Variants in SLC35F3 observed in about 807,000 individuals in gnomAD.
The protein encoded by SLC35F3 is solute carrier family 35 member F3.
In SLC35F3, 25 loss-of-function variants were observed where a neutral mutation model predicts 49.9. That is an observed-to-expected ratio of 0.50 (90% CI 0.37 to 0.70). The LOEUF is 0.70. SLC35F3 is among the 30% of genes least tolerant of loss of function. The pLI, the probability that SLC35F3 is intolerant of heterozygous loss-of-function variation, is 0.00. For synonymous variants in SLC35F3, 275 were observed against 265.4 expected, an observed-to-expected ratio of 1.04 and a Z score of -0.35; for missense variants, 525 against 639.8, an observed-to-expected ratio of 0.82 and a Z score of 1.94.
chr1:234,194,922 C>T (rs781599198), intron 2 of SLC35F3, among the ~76,000 whole-genome samples: 5 of 152,164 alleles, frequency 3.3e-5, no homozygotes, highest in South Asian at 2.1e-4. Flanking sequence ...AGACAGATGA[C>T]GGGTTTCTAC....
At chr1:233,989,732 A>T (rs1158558489) in intron 2 of SLC35F3, among the ~76,000 whole-genome samples, 2 of 152,224 alleles carry the variant, frequency 1.3e-5, no homozygotes, top group African/African-American at 4.8e-5. Context: ...GTTTAAAGAT[A>T]TTCCTGAAAT....
chr1:234,322,521 T>C (rs1190999385), intron 7 of SLC35F3, among the ~76,000 whole-genome samples: 3 of 152,126 alleles, frequency 2.0e-5, no homozygotes, highest in Non-Finnish European at 4.4e-5. Flanking sequence ...CATCTTCACA[T>C]TGAGTAGGCT....
chr1:234,105,593 A>G (rs531422597), intron 2 of SLC35F3, among the ~76,000 whole-genome samples: 1 of 152,288 alleles, frequency 6.6e-6, no homozygotes, highest in East Asian at 1.9e-4. Context: ...CTCTTGCAAG[A>G]TCCTACTAGG....
At chr1:234,259,172 A>G (rs1667864609) in intron 3 of SLC35F3, among the ~76,000 whole-genome samples, 1 of 152,232 alleles carries the variant, frequency 6.6e-6, no homozygotes, top group Non-Finnish European at 1.5e-5. Flanking sequence ...GTTGGACAAG[A>G]TGACCTCTAA....
chr1:234,082,832 G>A (rs939963647), intron 2 of SLC35F3, among the ~76,000 whole-genome samples: 10 of 152,022 alleles, frequency 6.6e-5, no homozygotes, highest in African/African-American at 1.4e-4. Context: ...GGGGGAAACC[G>A]CCCCCATGAT....
chr1:234,044,860 T>C (rs1241775754), intron 2 of SLC35F3, among the ~76,000 whole-genome samples: 3 of 152,188 alleles, frequency 2.0e-5, no homozygotes, highest in African/African-American at 7.2e-5. Flanking sequence ...TTTTTCTAAA[T>C]GAAGCATTTA....
intron 2 of SLC35F3, among the ~76,000 whole-genome samples, chr1:233,914,607 C>T (rs6699670): frequency 0.27 from 41,522 of 152,060 alleles, 6,829 homozygotes; most frequent in Admixed American, 0.47. Flanking sequence ...GAAGTTTCAA[C>T]TGGAAATACA....
chr1:234,093,412 G>C (rs893399342), intron 2 of SLC35F3, among the ~76,000 whole-genome samples: 3 of 152,158 alleles, frequency 2.0e-5, no homozygotes, highest in Non-Finnish European at 4.4e-5. Flanking sequence ...AGTCCTCACC[G>C]TATCTCCCAG....
intron 3 of SLC35F3, among the ~76,000 whole-genome samples, chr1:234,253,290 C>G (rs1667766165): frequency 6.6e-6 from 1 of 151,808 alleles, no homozygotes. Flanking sequence ...GGCGCCACCG[C>G]ACTCCAGCCT....
At chr1:233,909,088 A>T (rs1438430290) in intron 2 of SLC35F3, among the ~76,000 whole-genome samples, 2 of 151,994 alleles carry the variant, frequency 1.3e-5, no homozygotes, top group African/African-American at 4.8e-5. Context: ...CGAACTCCTG[A>T]TCTTGTGATC....
chr1:234,138,088 A>G (rs1665837654), intron 2 of SLC35F3, among the ~76,000 whole-genome samples: 1 of 152,248 alleles, frequency 6.6e-6, no homozygotes, highest in Non-Finnish European at 1.5e-5. Flanking sequence ...AGTAAGCAGG[A>G]GTAATACCAT....
chr1:233,962,176 C>T (rs1036280100), intron 2 of SLC35F3, among the ~76,000 whole-genome samples: 1 of 152,218 alleles, frequency 6.6e-6, no homozygotes, highest in Non-Finnish European at 1.5e-5. Context: ...CATGTGCTTA[C>T]AGATATTTTT....
chr1:234,098,985 T>C (rs1322466543), intron 2 of SLC35F3, among the ~76,000 whole-genome samples: 1 of 152,076 alleles, frequency 6.6e-6, no homozygotes, highest in Non-Finnish European at 1.5e-5. Context: ...ACTGTGTTGC[T>C]GGTGGTGATA....
chr1:234,077,195 G>A (rs892375700), intron 2 of SLC35F3, among the ~76,000 whole-genome samples: 6 of 151,450 alleles, frequency 4.0e-5, no homozygotes, highest in African/African-American at 1.2e-4. Flanking sequence ...TAGTAGAGAC[G>A]GGGTTTCACC....
At chr1:234,232,519 C>CAAAAAAAAA (rs536692686) in intron 3 of SLC35F3, among the ~76,000 whole-genome samples, 49 of 72,236 alleles carry the variant, frequency 6.8e-4, no homozygotes, top group Middle Eastern at 9.4e-3. Flanking sequence ...CAGGCCTAGT[C>CAAAAAAAAA]AAAAAAAAAA....
intron 2 of SLC35F3, among the ~76,000 whole-genome samples, chr1:233,953,428 G>A (rs191474350): frequency 3.6e-4 from 55 of 152,308 alleles, no homozygotes; most frequent in African/African-American, 1.1e-3. Flanking sequence ...GAACTTAAAA[G>A]TCAACACATC....
intron 2 of SLC35F3, among the ~76,000 whole-genome samples, chr1:234,139,378 G>C (rs1665856286): frequency 6.6e-6 from 1 of 152,162 alleles, no homozygotes; most frequent in Non-Finnish European, 1.5e-5. Flanking sequence ...GCAAATTGTA[G>C]CTCCACTTCT....
intron 2 of SLC35F3, among the ~76,000 whole-genome samples, chr1:234,116,593 C>G (rs1030445004): frequency 6.6e-6 from 1 of 151,614 alleles, no homozygotes; most frequent in African/African-American, 2.4e-5. Flanking sequence ...CTCACTGCAA[C>G]CTCCGTCTCC....
chr1:234,252,465 C>T (rs981709875), intron 3 of SLC35F3, among the ~76,000 whole-genome samples: 1 of 152,010 alleles, frequency 6.6e-6, no homozygotes. Flanking sequence ...AAGTAAGAAT[C>T]CAAATTAGCA....
Sources: gnomAD v4.1 joint callset for allele counts (sites outside exome capture counted in the v4.1 genomes callset) on GRCh38, gnomAD v4.1.1 for gene constraint, MANE v1.5 for transcripts, NCBI Gene and HGNC (gene_info 2026-07-23, HGNC 2026-07-21) for gene names.